Variants in ATP1A3 observed in about 807,000 individuals in gnomAD.
ATP1A3 encodes sodium/potassium-transporting ATPase subunit alpha-3.
ATP1A3 carries 12 observed loss-of-function variants against 108.8 expected under a neutral mutation model. The ratio of observed to expected loss-of-function variants is 0.11; its 90% CI spans 0.07 to 0.18. The LOEUF (loss-of-function observed/expected upper bound fraction) is 0.18, where lower values mean the gene tolerates loss of function less well. Among genes scored for constraint, ATP1A3 ranks in the 10% least tolerant of loss-of-function variants. ATP1A3 has a pLI of 1.00. For missense variants in ATP1A3, 498 were observed against 1,387.7 expected, an observed-to-expected ratio of 0.36 and a Z score of 10.19; for synonymous variants, 539 against 564.5, an observed-to-expected ratio of 0.95 and a Z score of 0.64.
chr19:41,984,792 C>T (rs552390374), intron 8 of ATP1A3, 126 bp downstream of exon 8: 47 of 1,135,840 alleles, frequency 4.1e-5, no homozygotes, highest in South Asian at 2.6e-4. Context: ...CCCAGACACA[C>T]GGGTCCAGGC....
At chr19:41,970,351 AC>A (rs781946803) in intron 17 of ATP1A3, 36 bp downstream of exon 17, 2 of 1,612,898 alleles carry the variant, frequency 1.2e-6, no homozygotes, top group Admixed American at 3.3e-5. Context: ...GGAGGACTCC[AC>A]CCTCCTGGGC....
At position 41,967,429 on chromosome 19, in the gene ATP1A3, C is replaced by T. The variant is rs1555858873; in HGVS notation, c.2922-89G>A. 1.4e-6 allele frequency: 2 copies of T among 1,439,908 alleles called. No homozygotes were observed. Among genetic ancestry groups the T allele is most frequent in the Non-Finnish European group, 1.9e-6 (2 of 1,052,498 alleles). 89.2% of individuals were successfully genotyped at this position (1,439,908 alleles called of 1,614,324 possible). On this transcript the variant is annotated intron_variant, in intron 21 of 22. Transcript: ENST00000648268. The surrounding 1 kb of genome is among the most constrained non-coding windows in gnomAD (Gnocchi z 4.2). ...ACTGGAGGGGACGCAGAGGGGCAGT[C>T]TCCCAGGATCCTTCGTGCTCACAGG...
At chr19:41,969,304 T>C in intron 19 of ATP1A3, 131 bp downstream of exon 19, 1 of 1,477,982 alleles carries the variant, frequency 6.8e-7, no homozygotes, top group Admixed American at 1.7e-5. Context: ...AAGCCCCAGG[T>C]GCCCAGCAAA....
intron 8 of ATP1A3, chr19:41,984,527 T>G: frequency 9.8e-6 from 2 of 203,222 alleles, no homozygotes; most frequent in Non-Finnish European, 2.0e-5. Flanking sequence ...CCCAGCCTCA[T>G]TATTTTATTT....
At chr19:41,975,872 G>A in intron 15 of ATP1A3, 75 bp from the exon 16 acceptor site, 2 of 1,591,880 alleles carry the variant, frequency 1.3e-6, no homozygotes, top group South Asian at 1.1e-5. Flanking sequence ...CAGAAGCCCA[G>A]GACCCCAGCC....
rs527315283 is a variant in ATP1A3 at position 41,967,163 on chromosome 19, C to T, written c.3013+86G>A. ...AGTGGGAACCAGGTGGCAGAGCCAT[C>T]CAGCAGGGCGAGGGGAGCCTGGGAC... On this transcript the variant is annotated intron_variant, in intron 22 of 22. Coordinates refer to ENST00000648268, the MANE Select transcript of ATP1A3 (RefSeq NM_152296.5). The surrounding 1 kb of genome is among the most constrained non-coding windows in gnomAD (Gnocchi z 4.2). 19 of 1,598,394 alleles carry T rather than the reference C, an allele frequency of 1.2e-5. No individual in the cohort carries two copies. Among genetic ancestry groups the T allele is most frequent in the Non-Finnish European group, 1.6e-5 (19 of 1,172,774 alleles).
chr19:41,978,892 A>C lies in ATP1A3; in HGVS notation c.1438-94T>G. On this transcript the variant is annotated intron_variant, in intron 11 of 22. Transcript: ENST00000648268. The surrounding 1 kb of genome is among the most constrained non-coding windows in gnomAD (Gnocchi z 8.3). The stretch of plus-strand genomic sequence containing the variant: ...TCCCCTGTCCAGAGCCACGGGTGCC[A>C]GGATAGGCCCACACCAGGGCTCCCC... The C allele has an allele frequency of 7.7e-7, 1 of 1,306,484 alleles. No individual in the cohort carries two copies. Among genetic ancestry groups the C allele is most frequent in the Non-Finnish European group, 1.1e-6 (1 of 924,360 alleles). 80.9% of individuals were successfully genotyped at this position (1,306,484 alleles called of 1,614,324 possible). A position where few individuals can be genotyped will look rare whatever the true frequency, so the allele number is the denominator to read the frequency against.
In ATP1A3 at chr19:41,985,373, G is replaced by A. The variant is rs181074193; in HGVS notation, c.657C>T (p.Pro219=). The change falls in exon 7 of 23, where the codon CCC becomes CCT. Residue 219 remains proline, a synonymous_variant. Coordinates refer to ENST00000648268, the MANE Select transcript of ATP1A3 (RefSeq NM_152296.5). This position sits in a 1 kb window ranked among gnomAD's most constrained non-coding sequence, Gnocchi z 8.2. The part of the protein sequence containing the change: ...TGESEPQTRS[P]DCTHDNPLET... ...CCAAGGGGTTGTCGTGAGTGCAGTC[G>A]GGAGAGCGAGTCTGGGGCTCGGATT... 1.5e-5 allele frequency: 24 copies of A among 1,613,990 alleles called. No individual in the cohort carries two copies. Among genetic ancestry groups the A allele is most frequent in the South Asian group, 8.8e-5 (8 of 91,066 alleles).
rs1233591032 is a variant in ATP1A3 at position 41,985,236 on chromosome 19, G to A, written c.725-50C>T. The A allele has an allele frequency of 2.5e-6, 4 of 1,613,960 alleles. No homozygotes were observed. The highest frequency in any genetic ancestry group is 3.4e-6 in the Non-Finnish European group (4 of 1,179,994). ...AGGTGGGGTGGCTCAGGGAGGTTCT[G>A]GAGGCCTGACCCCCTGGGACACATC... On this transcript the variant is annotated intron_variant, in intron 7 of 22. Transcript: ENST00000648268. This position sits in a 1 kb window ranked among gnomAD's most constrained non-coding sequence, Gnocchi z 8.2.
rs2075194868 is a variant in ATP1A3 at position 41,978,382 on chromosome 19, A to G, written c.1631-56T>C. ...GTCCCAGCCTCGGAACCTCCGCCCCATGCCCCTAGATGTCTGCATCGCCCG... is the reference window on the plus strand; with the variant it reads ...GTCCCAGCCTCGGAACCTCCGCCCCGTGCCCCTAGATGTCTGCATCGCCCG... On this transcript the variant is annotated intron_variant, in intron 12 of 22. Coordinates refer to ENST00000648268, the MANE Select transcript of ATP1A3 (RefSeq NM_152296.5). The surrounding 1 kb of genome is among the most constrained non-coding windows in gnomAD (Gnocchi z 8.3). 6.5e-6 allele frequency: 10 copies of G among 1,545,222 alleles called. No individual in the cohort carries two copies. In the East Asian group the frequency reaches 7.2e-5, roughly 11 times the overall value.
At position 41,989,361 on chromosome 19, in the gene ATP1A3, T is replaced by C. The variant is rs536361542; in HGVS notation, c.7-799A>G. ...TGAGACGGAGTCTCGCTTAGTCGCC[T>C]AGGCTGGAGTGCAGTGGCATGATCT... On this transcript the variant is annotated intron_variant, in intron 1 of 22. Coordinates refer to ENST00000648268, the MANE Select transcript of ATP1A3 (RefSeq NM_152296.5). Among the ~76,000 whole-genome samples the C allele has an allele frequency of 2.9e-3, 419 of 142,572 alleles. 4 individuals carry two copies. The highest frequency in any genetic ancestry group is 0.01 in the African/African-American group (400 of 38,834). 93.5% of individuals were successfully genotyped at this position (142,572 alleles called of 152,430 possible).
At chr19:41,989,680 C>T (rs1197316682) in intron 1 of ATP1A3, among the ~76,000 whole-genome samples, 1 of 152,080 alleles carries the variant, frequency 6.6e-6, no homozygotes, top group Non-Finnish European at 1.5e-5. Context: ...TGTCTGTCTC[C>T]CTTGATGTGT....
rs1472355757 is a variant in ATP1A3, at chr19:41,985,275, C to T, written c.724+31G>A. ...CTGGGACACATCCCTGTGTCTGCCC[C>T]AGCTGTGTGTCTTCTCTGCACCCGC... On this transcript the variant is annotated intron_variant, in intron 7 of 22. Coordinates refer to ENST00000648268, the MANE Select transcript of ATP1A3 (RefSeq NM_152296.5). This position sits in a 1 kb window ranked among gnomAD's most constrained non-coding sequence, Gnocchi z 8.2. The T allele has an allele frequency of 1.9e-6, 3 of 1,613,806 alleles. No homozygotes were observed. Among genetic ancestry groups the T allele is most frequent in the African/African-American group, 1.3e-5 (1 of 74,904 alleles).
At chr19:41,969,365 ATGCATGGC>A (rs2075077411) in intron 19 of ATP1A3, 62 bp downstream of exon 19, 2 of 1,610,990 alleles carry the variant, frequency 1.2e-6, no homozygotes, top group Admixed American at 1.7e-5. Context: ...GGAAGTGGCC[ATGCATGGC>A]TGGAACAGCT....
rs1181327131 is a variant in ATP1A3, at chr19:41,986,360, G to C, written c.358-131C>G. 9 of 803,580 alleles carry C rather than the reference G, an allele frequency of 1.1e-5. No individual in the cohort carries two copies. In the Admixed American group the frequency reaches 1.3e-4, roughly 11 times the overall value. 49.8% of individuals were successfully genotyped at this position (803,580 alleles called of 1,614,324 possible). On this transcript the variant is annotated intron_variant, in intron 4 of 22. Coordinates refer to ENST00000648268, the MANE Select transcript of ATP1A3 (RefSeq NM_152296.5). ...GTATTTGTGTGTCTGACCCTAGGTT[G>C]GTTATGAGGGTTGGTGTGTCTGAGT...
At chr19:41,991,474 G>A (rs986462280) in intron 1 of ATP1A3, among the ~76,000 whole-genome samples, 1 of 152,198 alleles carries the variant, frequency 6.6e-6, no homozygotes, top group African/African-American at 2.4e-5. Context: ...CTACAGTGCC[G>A]GGGTGGTCTC....
At position 41,985,029 on chromosome 19, in the gene ATP1A3, G is replaced by A. The variant is rs1555864832; in HGVS notation, c.882C>T (p.Val294=). The A allele has an allele frequency of 6.2e-7, 1 of 1,614,118 alleles. No homozygotes were observed. The highest frequency in any genetic ancestry group is 1.1e-5 in the South Asian group (1 of 91,066). The part of the protein sequence containing the change: ...LITGVAVFLG[V]SFFILSLILG... ...GAATGAGGGAGAGGATGAAGAAGGA[G>A]ACACCCAGGAAGACAGCCACGCCGG... is the stretch of plus-strand genomic sequence containing the variant. Residue 294 remains valine (V), a synonymous_variant, in exon 8 of 23, where the codon GTC becomes GTT. Coordinates refer to ENST00000648268, the MANE Select transcript of ATP1A3 (RefSeq NM_152296.5). The surrounding 1 kb of genome is among the most constrained non-coding windows in gnomAD (Gnocchi z 8.2).
intron 11 of ATP1A3, among the ~76,000 whole-genome samples, chr19:41,979,716 A>T (rs548078245): frequency 9.8e-5 from 15 of 152,310 alleles, no homozygotes; most frequent in African/African-American, 3.6e-4. Context: ...GGCGGGTGAC[A>T]GCTGAGAGAT....
At position 41,986,241 on chromosome 19, in the gene ATP1A3, T is replaced by C; in HGVS notation, c.358-12A>G. On this transcript the variant is annotated splice_polypyrimidine_tract_variant and intron_variant, in intron 4 of 22. Transcript: ENST00000648268. ...ATGCCCAGGTACAGCTGTGGGGAGATGTGGGGATGTTGATCAGGGGCCGCC... is the reference window on the plus strand; with the variant it reads ...ATGCCCAGGTACAGCTGTGGGGAGACGTGGGGATGTTGATCAGGGGCCGCC... The C allele has an allele frequency of 1.9e-6, 3 of 1,613,210 alleles. No homozygotes were observed. The highest frequency in any genetic ancestry group is 2.2e-5 in the East Asian group (1 of 44,854).
Sources: allele counts gnomAD v4.1 joint callset (sites outside exome capture counted in the v4.1 genomes callset), GRCh38; gene constraint gnomAD v4.1.1; non-coding constraint Gnocchi (gnomAD v3.1); transcripts MANE v1.5; gene names NCBI Gene and HGNC (gene_info 2026-07-23, HGNC 2026-07-21).